COL11A2: variants seen among roughly 807,000 people sequenced by gnomAD.
COL11A2 encodes collagen type XI alpha 2 chain, also known as collagen alpha-2(XI) chain.
In COL11A2, 116 loss-of-function variants were observed where a neutral mutation model predicts 273.4. The observed-to-expected ratio is 0.42, with a 90% CI of 0.36 to 0.49. The LOEUF (loss-of-function observed/expected upper bound fraction) is 0.49. COL11A2 is among the 20% of genes least tolerant of loss of function. The probability of loss-of-function intolerance (pLI) is 0.00; values close to 1 mark genes in which losing one functional copy is unlikely to be tolerated. For synonymous variants in COL11A2, 782 were observed against 864.2 expected, an observed-to-expected ratio of 0.90 and a Z score of 1.67; for missense variants, 1,866 against 2,309.0, an observed-to-expected ratio of 0.81 and a Z score of 3.93.
rs1772802145 is a variant in COL11A2 at position 33,189,250 on chromosome 6, C to T, written c.233-62G>A. 14 of 1,613,542 alleles carry T rather than the reference C, an allele frequency of 8.7e-6. No individual in the cohort carries two copies. The highest frequency in any genetic ancestry group is 1.1e-5 in the Non-Finnish European group (13 of 1,179,590). ...AAAGGGAGCCGCCACAACCCCTTTC[C>T]TCCTGGTGTCTGATCCTAGGCCCCA... On this transcript the variant is annotated intron_variant, in intron 2 of 65. Coordinates refer to ENST00000341947, the MANE Select transcript of COL11A2 (RefSeq NM_080680.3). This position sits in a 1 kb window ranked among gnomAD's most constrained non-coding sequence, Gnocchi z 5.6.
At chr6:33,184,864 T>C (rs1011981331) in intron 7 of COL11A2, 128 bp downstream of exon 7, 1 of 759,810 alleles carries the variant, frequency 1.3e-6, no homozygotes. Context: ...ACAGAGGCCA[T>C]CGATGGAAAT....
At chr6:33,185,119 A>C in intron 6 of COL11A2, 65 bp from the exon 7 acceptor site, 1 of 1,233,512 alleles carries the variant, frequency 8.1e-7, no homozygotes, top group Admixed American at 2.0e-5. Flanking sequence ...GGTTAGCAGA[A>C]GGGAGGCAAA....
intron 44 of COL11A2, 26 bp downstream of exon 44, chr6:33,171,245 C>T: frequency 7.4e-6 from 12 of 1,614,158 alleles, no homozygotes; most frequent in Non-Finnish European, 1.0e-5. Context: ...GCCAGGAGGT[C>T]AGAAGTCAAG....
Position 33,176,207 on chromosome 6 carries a change from G to A in COL11A2, c.2214+52C>T. 1 of 1,607,772 alleles carries A rather than the reference G, an allele frequency of 6.2e-7. No homozygotes were observed. The highest frequency in any genetic ancestry group is 8.5e-7 in the Non-Finnish European group (1 of 1,176,218). On this transcript the variant is annotated intron_variant, in intron 28 of 65. Coordinates refer to ENST00000341947, the MANE Select transcript of COL11A2 (RefSeq NM_080680.3). The surrounding 1 kb of genome is among the most constrained non-coding windows in gnomAD (Gnocchi z 4.9). Reference sequence around the variant, plus strand: ...GGCAGGCTGGAGGGAAGGCAGTGAAGAGAGGAGATGGCAGGACTGAGGTGC... The same window carrying A: ...GGCAGGCTGGAGGGAAGGCAGTGAAAAGAGGAGATGGCAGGACTGAGGTGC...
rs565891154 is a variant in COL11A2 at position 33,172,587 on chromosome 6, G to C, written c.2841C>G (p.Pro947=). The C allele has an allele frequency of 3.1e-6, 5 of 1,612,500 alleles. No homozygotes were observed. Among genetic ancestry groups the C allele is most frequent in the Non-Finnish European group, 4.2e-6 (5 of 1,179,912 alleles). Residue 947 remains proline, a synonymous_variant, in exon 39 of 66, where the codon CCC becomes CCG. Coordinates refer to ENST00000341947, the MANE Select transcript of COL11A2 (RefSeq NM_080680.3). The stretch of plus-strand genomic sequence containing the variant: ...GTCCCTGCTCTCCAGGGGGCCCCGG[G>C]GGGCCTGGGTGACCTCTCTCCCCCA... ...GPMGERGHPG[P]PGPPGEQGLP... is the part of the protein sequence containing the mutation.
Position 33,166,849 on chromosome 6 carries a change from C to T in COL11A2, c.4231-22G>A, listed in dbSNP as rs745812711. 2 of 1,610,168 alleles carry T rather than the reference C, an allele frequency of 1.2e-6. No homozygotes were observed. Among genetic ancestry groups the T allele is most frequent in the Non-Finnish European group, 1.7e-6 (2 of 1,178,326 alleles). On this transcript the variant is annotated intron_variant, in intron 58 of 65. Transcript: ENST00000341947. This position sits in a 1 kb window ranked among gnomAD's most constrained non-coding sequence, Gnocchi z 4.8. ...GGCCCTAGAGAAGGGTGCAGGCAGT[C>T]AAGAGAATGCAAAGAGGAGTCATGT...
rs773235349 is a variant in COL11A2 at position 33,165,553 on chromosome 6, G to A, written c.4746C>T (p.Pro1582=). The A allele has an allele frequency of 5.5e-5, 88 of 1,612,584 alleles. No homozygotes were observed. Among genetic ancestry groups the A allele is most frequent in the Non-Finnish European group, 6.5e-5 (77 of 1,180,020 alleles). Residue 1582 remains proline, a synonymous_variant, in exon 63 of 66, where the codon CCC becomes CCT. Transcript: ENST00000341947. The surrounding 1 kb of genome is among the most constrained non-coding windows in gnomAD (Gnocchi z 7.7). ...CACCCTGAGGCTAGCACTGACCATC[G>A]GGAAGCTCTGGGTGGCACAGCTTCA... ...QDLKLCHPEL[P]DGEYWVDPNQ...
chr6:33,174,473 AAGCGAAGAGGAGG>A (rs984766460), intron 31 of COL11A2, 41 bp downstream of exon 31: 12 of 1,596,656 alleles, frequency 7.5e-6, no homozygotes, highest in Admixed American at 1.7e-5. Context: ...GGGATCAGGG[AAGCGAAGAGGAGG>A]AGGGAAGAGG....
Position 33,177,523 on chromosome 6 carries a change from G to A in COL11A2, c.1918-58C>T, listed in dbSNP as rs1771094985. ...GAGATGGAGATAGAACACATTTAGAGCATGGAGCTGAGTCCCAGCAGCGAT... is the reference window on the plus strand; with the variant it reads ...GAGATGGAGATAGAACACATTTAGAACATGGAGCTGAGTCCCAGCAGCGAT... On this transcript the variant is annotated intron_variant, in intron 22 of 65. Transcript: ENST00000341947. This position sits in a 1 kb window ranked among gnomAD's most constrained non-coding sequence, Gnocchi z 5.9. 1 of 1,598,320 alleles carries A rather than the reference G, an allele frequency of 6.3e-7. No homozygotes were observed. The highest frequency in any genetic ancestry group is 2.2e-5 in the East Asian group (1 of 44,750).
chr6:33,162,890 TAGA>T lies in COL11A2; in HGVS notation c.*785_*787del, dbSNP rs1233013307. ...GGCCATGGCAATTTACCAGCCAATA[TAGA>T]AGAATTTTAATATTCCAGCCATCTG... On this transcript the variant is annotated 3_prime_UTR_variant, in exon 66 of 66. Coordinates refer to ENST00000341947, the MANE Select transcript of COL11A2 (RefSeq NM_080680.3). The surrounding 1 kb of genome is among the most constrained non-coding windows in gnomAD (Gnocchi z 4.9). 6.5e-6 allele frequency: 1 copy of T among 154,806 alleles called. No homozygotes were observed. Among genetic ancestry groups the T allele is most frequent in the African/African-American group, 2.4e-5 (1 of 41,484 alleles). 9.6% of individuals were successfully genotyped at this position (154,806 alleles called of 1,614,324 possible). A position where few individuals can be genotyped will look rare whatever the true frequency, so the allele number is the denominator to read the frequency against.
At position 33,179,769 on chromosome 6, in the gene COL11A2, C is replaced by T; in HGVS notation, c.1396G>A (p.Val466Met). 3 of 1,612,140 alleles carry T rather than the reference C, an allele frequency of 1.9e-6. No individual in the cohort carries two copies. The highest frequency in any genetic ancestry group is 2.5e-6 in the Non-Finnish European group (3 of 1,180,020). ...FGSGGGDKGP[V>M]VAAQEAQAQA... ...GCCTGAGCCTCCTGGGCCGCCACCACAGGGCCCTTGTCACCCCCACCACTG... is the reference window on the plus strand; with the variant it reads ...GCCTGAGCCTCCTGGGCCGCCACCATAGGGCCCTTGTCACCCCCACCACTG... Residue 466 changes from valine (V) to methionine (M), a missense_variant, in exon 13 of 66, where the codon GTG becomes ATG. Transcript: ENST00000341947. This position sits in a 1 kb window ranked among gnomAD's most constrained non-coding sequence, Gnocchi z 6.4.
intron 3 of COL11A2, 60 bp from the exon 4 acceptor site, chr6:33,188,584 A>T: frequency 1.1e-5 from 18 of 1,597,468 alleles, no homozygotes; most frequent in Non-Finnish European, 1.5e-5. Context: ...GGGAGTCAAC[A>T]TGGTTGGAGA....
chr6:33,171,505 C>G lies in COL11A2; in HGVS notation c.3220G>C (p.Ala1074Pro). 5 of 1,614,134 alleles carry G rather than the reference C, an allele frequency of 3.1e-6. No individual in the cohort carries two copies. The highest frequency in any genetic ancestry group is 3.4e-6 in the Non-Finnish European group (4 of 1,180,000). Residue 1074 changes from alanine (A) to proline (P), a missense_variant, in exon 43 of 66, where the codon GCT (alanine) becomes CCT (proline). Transcript: ENST00000341947. ...TCTCCAGCCACACCTGGAGGCCCAG[C>G]AGGACCAGGAAGCCCCACAGGACCC... ...VQGPVGLPGP[A>P]GPPGVAGEDG...
intron 53 of COL11A2, 25 bp from the exon 54 acceptor site, chr6:33,168,597 C>T: frequency 6.2e-7 from 1 of 1,612,826 alleles, no homozygotes; most frequent in Non-Finnish European, 8.5e-7. Flanking sequence ...ATTGGGGTGG[C>T]TGAGTGTTTA....
In COL11A2 at chr6:33,184,321, G is replaced by T; in HGVS notation, c.943C>A (p.Gln315Lys). 1 of 1,366,634 alleles carries T rather than the reference G, an allele frequency of 7.3e-7. No individual in the cohort carries two copies. The highest frequency in any genetic ancestry group is 1.5e-5 in the African/African-American group (1 of 67,844). The allele number at this position is 1,366,634 out of a possible 1,614,324, so 84.7% of individuals were successfully genotyped here. The stretch of plus-strand genomic sequence containing the variant: ...GTGGGGGGGACCTGGAGATCTGTCT[G>T]CTCCTTCCCAGGGATGGGGAGGGAG... ...SSLLPPLEEE[Q>K]TDLQVPPTAD... The change falls in exon 8 of 66, where the codon CAG (glutamine) becomes AAG (lysine). Residue 315 changes from glutamine to lysine, a missense_variant. Coordinates refer to ENST00000341947, the MANE Select transcript of COL11A2 (RefSeq NM_080680.3).
rs1269179497 is a variant in COL11A2, at chr6:33,164,692, C to T, written c.4863+160G>A. 1.3e-5 allele frequency among the ~76,000 whole-genome samples: 2 copies of T among 151,262 alleles called. No individual in the cohort carries two copies. The highest frequency in any genetic ancestry group is 2.9e-5 in the Non-Finnish European group (2 of 67,888). The stretch of plus-strand genomic sequence containing the variant: ...AAAGGCAAAGTGAGCATCAGAGGAC[C>T]GGTGAAAAGGAAAAGAAGAAAGAGC... On this transcript the variant is annotated intron_variant, in intron 64 of 65. Coordinates refer to ENST00000341947, the MANE Select transcript of COL11A2 (RefSeq NM_080680.3). The surrounding 1 kb of genome is among the most constrained non-coding windows in gnomAD (Gnocchi z 4.7).
At position 33,172,379 on chromosome 6, in the gene COL11A2, C is replaced by G; in HGVS notation, c.2899-1G>C. 1 of 1,585,048 alleles carries G rather than the reference C, an allele frequency of 6.3e-7. No homozygotes were observed. The highest frequency in any genetic ancestry group is 1.1e-5 in the South Asian group (1 of 87,326). On this transcript the variant is annotated splice_acceptor_variant, in intron 39 of 65. Transcript: ENST00000341947. LOFTEE classifies it high-confidence loss of function. Reference sequence around the variant, plus strand: ...GGGCCCCAGGGGGACCAGGGTCACCCTAAAAGGAAAGGAGAGGTGATGAGC... The same window carrying G: ...GGGCCCCAGGGGGACCAGGGTCACCGTAAAAGGAAAGGAGAGGTGATGAGC...
rs922768398 is a variant in COL11A2 at position 33,188,227 on chromosome 6, A to G, written c.606+135T>C. The G allele has an allele frequency of 1.3e-5, 14 of 1,110,016 alleles. No homozygotes were observed. In the African/African-American group the frequency reaches 2.0e-4, roughly 16 times the overall value. 68.8% of individuals were successfully genotyped at this position (1,110,016 alleles called of 1,614,324 possible). A position where few individuals can be genotyped will look rare whatever the true frequency, so the allele number is the denominator to read the frequency against. Reference sequence around the variant, plus strand: ...CAGAGAACAGTAGCCCTGAAGATAGAAAATAGAAATGAAAATTCATAAGAA... The same window carrying G: ...CAGAGAACAGTAGCCCTGAAGATAGGAAATAGAAATGAAAATTCATAAGAA... On this transcript the variant is annotated intron_variant, in intron 4 of 65. Transcript: ENST00000341947.
At position 33,181,111 on chromosome 6, in the gene COL11A2, A is replaced by G. The variant is rs765428376; in HGVS notation, c.1179T>C (p.Pro393=). 1.2e-6 allele frequency: 2 copies of G among 1,614,108 alleles called. No homozygotes were observed. The highest frequency in any genetic ancestry group is 2.2e-5 in the East Asian group (1 of 44,872). Residue 393 remains proline (P), a splice_region_variant and synonymous_variant, in exon 9 of 66, where the codon CCT becomes CCC. Coordinates refer to ENST00000341947, the MANE Select transcript of COL11A2 (RefSeq NM_080680.3). The part of the protein sequence containing the change: ...GEKGEPAVLE[P]GMLVEGPPGP... ...CAGCCCTGTGACCAGCATAACTTAC[A>G]GGTTCCAACACTGCAGGCTCTCCTT...
Sources: allele counts gnomAD v4.1 joint callset (sites outside exome capture counted in the v4.1 genomes callset), GRCh38; gene constraint gnomAD v4.1.1; non-coding constraint Gnocchi (gnomAD v3.1); transcripts MANE v1.5; gene names NCBI Gene and HGNC (gene_info 2026-07-23, HGNC 2026-07-21).